Variants in ST3GAL1 observed in about 807,000 individuals in gnomAD.
ST3GAL1 encodes CMP-N-acetylneuraminate-beta-galactosamide-alpha-2,3-sialyltransferase 1.
ST3GAL1 carries 16 observed loss-of-function variants against 34.1 expected under a neutral mutation model. That is an observed-to-expected ratio of 0.47 (90% CI 0.32 to 0.71). The LOEUF (loss-of-function observed/expected upper bound fraction) is 0.71. Ranked by LOEUF, ST3GAL1 falls within the 30% of genes least tolerant of loss-of-function variation. The probability of loss-of-function intolerance (pLI) is 0.04; values close to 1 mark genes in which losing one functional copy is unlikely to be tolerated. For missense variants in ST3GAL1, 353 were observed against 447.4 expected, an observed-to-expected ratio of 0.79 and a Z score of 1.90; for synonymous variants, 191 against 184.7, an observed-to-expected ratio of 1.03 and a Z score of -0.28.
chr8:133,495,523 A>G (rs573672819), intron 3 of ST3GAL1, among the ~76,000 whole-genome samples: 2 of 152,324 alleles, frequency 1.3e-5, no homozygotes, highest in South Asian at 4.1e-4. Context: ...ATGCTAATGC[A>G]TTGTTTGGAG....
At chr8:133,494,614 A>G (rs1816885581) in intron 3 of ST3GAL1, among the ~76,000 whole-genome samples, 1 of 152,150 alleles carries the variant, frequency 6.6e-6, no homozygotes, top group South Asian at 2.1e-4. Flanking sequence ...CACACCCACA[A>G]TGCAATCCAA....
At chr8:133,547,018 A>G (rs72720281) in intron 1 of ST3GAL1, among the ~76,000 whole-genome samples, 2 of 147,786 alleles carry the variant, frequency 1.4e-5, no homozygotes, top group East Asian at 2.0e-4. Flanking sequence ...AAAAAAAAAA[A>G]AAGACTTCAT....
intron 3 of ST3GAL1, among the ~76,000 whole-genome samples, chr8:133,479,034 C>A (rs1010989512): frequency 6.6e-6 from 1 of 152,198 alleles, no homozygotes; most frequent in Non-Finnish European, 1.5e-5. Flanking sequence ...CTACTCACTG[C>A]GTGACCATGA....
chr8:133,463,384 T>C, intron 8 of ST3GAL1, 30 bp downstream of exon 8: 1 of 1,613,322 alleles, frequency 6.2e-7, no homozygotes, highest in Non-Finnish European at 8.5e-7. Flanking sequence ...AGCCTGAACT[T>C]AGAACAGAGG....
chr8:133,538,463 T>G (rs1586651965), intron 2 of ST3GAL1, among the ~76,000 whole-genome samples: 1 of 152,328 alleles, frequency 6.6e-6, no homozygotes, highest in Middle Eastern at 3.4e-3. Context: ...TGCAGTGAGC[T>G]GAGATTGCAC....
intron 5 of ST3GAL1, among the ~76,000 whole-genome samples, chr8:133,474,233 T>C (rs1816072972): frequency 6.6e-6 from 1 of 151,916 alleles, no homozygotes; most frequent in Non-Finnish European, 1.5e-5. Flanking sequence ...CCAAGGGGAG[T>C]TGGACATGAA....
At chr8:133,471,363 G>C (rs61641617) in intron 5 of ST3GAL1, among the ~76,000 whole-genome samples, 3,458 of 152,206 alleles carry the variant, frequency 0.023, 128 homozygotes, top group African/African-American at 0.079. Flanking sequence ...GGTTAGCGCC[G>C]GGACAGGCGG....
At chr8:133,473,382 A>G (rs927201997) in intron 5 of ST3GAL1, among the ~76,000 whole-genome samples, 2 of 152,120 alleles carry the variant, frequency 1.3e-5, no homozygotes, top group African/African-American at 4.8e-5. Context: ...AAGGCCCCCA[A>G]GTTTCTCCTT....
intron 2 of ST3GAL1, among the ~76,000 whole-genome samples, chr8:133,502,086 G>T (rs1196707225): frequency 2.6e-5 from 4 of 152,160 alleles, no homozygotes; most frequent in Admixed American, 2.6e-4. Flanking sequence ...GGGAGAGGTT[G>T]CCAAAGGACA....
chr8:133,502,472 C>G (rs1037736731), intron 2 of ST3GAL1, among the ~76,000 whole-genome samples: 1 of 150,334 alleles, frequency 6.7e-6, no homozygotes, highest in Non-Finnish European at 1.5e-5. Context: ...ACCATATGCA[C>G]ATAAGAAAGC....
rs1815514292 is a variant in ST3GAL1, at chr8:133,461,731, G to A, written c.849+144C>T. The A allele has an allele frequency of 2.5e-6, 3 of 1,180,454 alleles. No individual in the cohort carries two copies. Among genetic ancestry groups the A allele is most frequent in the Non-Finnish European group, 3.6e-6 (3 of 833,086 alleles). The allele number at this position is 1,180,454 out of a possible 1,614,324, so 73.1% of individuals were successfully genotyped here. Reference sequence around the variant, plus strand: ...TAAAACACCCTGGGAGACACATGTTGCAAGTCCTGTCGTAGAGACAGGGAA... The same window carrying A: ...TAAAACACCCTGGGAGACACATGTTACAAGTCCTGTCGTAGAGACAGGGAA... On this transcript the variant is annotated intron_variant, in intron 9 of 9. Transcript: ENST00000522652. This position sits in a 1 kb window ranked among gnomAD's most constrained non-coding sequence, Gnocchi z 4.7.
intron 2 of ST3GAL1, among the ~76,000 whole-genome samples, chr8:133,541,108 T>TAAAC (rs1216030600): frequency 1.3e-4 from 6 of 45,716 alleles, no homozygotes; most frequent in African/African-American, 7.0e-4. Flanking sequence ...TATATATATA[T>TAAAC]ATATATATAT....
At chr8:133,480,065 C>T (rs897637285) in intron 3 of ST3GAL1, among the ~76,000 whole-genome samples, 7 of 152,014 alleles carry the variant, frequency 4.6e-5, no homozygotes, top group Admixed American at 6.6e-5. Context: ...GGAGGCCGGG[C>T]CCCCCAGAAC....
chr8:133,499,276 C>T (rs993076397), intron 2 of ST3GAL1, 87 bp from the exon 3 acceptor site: 2 of 152,160 alleles, frequency 1.3e-5, no homozygotes, highest in Admixed American at 1.3e-4. Flanking sequence ...CTACTTGGCT[C>T]AGATATACAC....
At chr8:133,513,152 G>C (rs370560409) in intron 2 of ST3GAL1, among the ~76,000 whole-genome samples, 4 of 152,310 alleles carry the variant, frequency 2.6e-5, no homozygotes, top group Middle Eastern at 3.4e-3. Flanking sequence ...GAGAGGCACA[G>C]GATGAGGGGA....
intron 1 of ST3GAL1, among the ~76,000 whole-genome samples, chr8:133,551,566 GAAAGAAA>G (rs1818852511): frequency 2.8e-5 from 4 of 145,234 alleles, no homozygotes; most frequent in African/African-American, 1.0e-4. Flanking sequence ...AAGAAAGAAA[GAAAGAAA>G]GAAAGAAAGA....
chr8:133,551,607 A>AAAGAAAGAAAGAAAGG (rs1818865130), intron 1 of ST3GAL1, among the ~76,000 whole-genome samples: 2 of 149,142 alleles, frequency 1.3e-5, no homozygotes, highest in African/African-American at 5.1e-5. Context: ...AGAAAGAAAG[A>AAAGAAAGAAAGAAAGG]AAGAAAGAAA....
intron 2 of ST3GAL1, among the ~76,000 whole-genome samples, chr8:133,539,222 C>T (rs1818394271): frequency 6.6e-6 from 1 of 152,190 alleles, no homozygotes; most frequent in Non-Finnish European, 1.5e-5. Flanking sequence ...AGTTCTTTCG[C>T]CCTGTTCCCT....
At chr8:133,553,598 A>T (rs1818923132) in intron 1 of ST3GAL1, among the ~76,000 whole-genome samples, 1 of 152,186 alleles carries the variant, frequency 6.6e-6, no homozygotes, top group Non-Finnish European at 1.5e-5. Flanking sequence ...CTGACCTCAT[A>T]GGGTTATGAG....
Sources: gnomAD v4.1 joint callset for allele counts (sites outside exome capture counted in the v4.1 genomes callset) on GRCh38, gnomAD v4.1.1 for gene constraint, Gnocchi (gnomAD v3.1) non-coding constraint, MANE v1.5 for transcripts, NCBI Gene and HGNC (gene_info 2026-07-23, HGNC 2026-07-21) for gene names.